PPP2R2A: variants seen among roughly 807,000 people sequenced by gnomAD.
PPP2R2A encodes protein phosphatase 2 regulatory subunit Balpha, also known as serine/threonine-protein phosphatase 2A 55 kDa regulatory subunit B alpha isoform.
A neutral mutation model predicts 53.2 loss-of-function variants in PPP2R2A; 9 were observed. The ratio of observed to expected loss-of-function variants is 0.17; its 90% CI spans 0.10 to 0.30. The LOEUF (loss-of-function observed/expected upper bound fraction) is 0.30. Ranked by LOEUF, PPP2R2A falls within the 10% of genes least tolerant of loss-of-function variation. The pLI, the probability that PPP2R2A is intolerant of heterozygous loss-of-function variation, is 1.00. For missense variants in PPP2R2A, 235 were observed against 534.6 expected (o/e 0.44, Z 5.53); for synonymous variants, 169 against 174.2 (o/e 0.97, Z 0.23).
intron 3 of PPP2R2A, among the ~76,000 whole-genome samples, chr8:26,349,084 C>T (rs969849748): frequency 6.6e-6 from 1 of 152,050 alleles, no homozygotes; most frequent in East Asian, 1.9e-4. Flanking sequence ...TGACAAGGTT[C>T]AATAAACTTG....
intron 2 of PPP2R2A, among the ~76,000 whole-genome samples, chr8:26,296,641 A>G (rs1197860026): frequency 2.0e-5 from 3 of 152,236 alleles, no homozygotes; most frequent in Non-Finnish European, 2.9e-5. Context: ...GGACTGATTT[A>G]TCTTCGTACC....
At chr8:26,325,258 G>A (rs892234775) in intron 2 of PPP2R2A, among the ~76,000 whole-genome samples, 17 of 151,762 alleles carry the variant, frequency 1.1e-4, no homozygotes, top group Non-Finnish European at 2.2e-4. Flanking sequence ...TGAATCATGG[G>A]GGCTGGTCTT....
chr8:26,322,865 G>A (rs1442513799), intron 2 of PPP2R2A, among the ~76,000 whole-genome samples: 1 of 152,222 alleles, frequency 6.6e-6, no homozygotes, highest in South Asian at 2.1e-4. Flanking sequence ...GGAAGCAGCA[G>A]TTTTTAAAGA....
chr8:26,316,371 A>G (rs1802557073), intron 2 of PPP2R2A, among the ~76,000 whole-genome samples: 1 of 152,180 alleles, frequency 6.6e-6, no homozygotes, highest in African/African-American at 2.4e-5. Context: ...TACAAATTAA[A>G]ATAGCTTTTG....
intron 1 of PPP2R2A, 54 bp from the exon 2 acceptor site, chr8:26,293,612 C>T: frequency 1.3e-6 from 2 of 1,532,890 alleles, no homozygotes; most frequent in South Asian, 1.2e-5. Context: ...TTTGTGTTTA[C>T]GAGAGTCAAC....
chr8:26,334,120 C>T (rs575430235), intron 2 of PPP2R2A, among the ~76,000 whole-genome samples: 4 of 152,090 alleles, frequency 2.6e-5, no homozygotes, highest in Non-Finnish European at 5.9e-5. Context: ...CATAGTAGGG[C>T]AGTGGACTAA....
At chr8:26,303,405 G>T (rs565851231) in intron 2 of PPP2R2A, among the ~76,000 whole-genome samples, 1 of 152,242 alleles carries the variant, frequency 6.6e-6, no homozygotes, top group East Asian at 1.9e-4. Context: ...TGCCTGCCTC[G>T]TCATTAGAAG....
chr8:26,308,214 G>T (rs1802112813), intron 2 of PPP2R2A, among the ~76,000 whole-genome samples: 2 of 152,208 alleles, frequency 1.3e-5, no homozygotes, highest in Non-Finnish European at 2.9e-5. Context: ...ATCTTATCTT[G>T]ATGTTGATGG....
At chr8:26,291,925 AGG>A (rs1301546044) in intron 1 of PPP2R2A, 99 bp downstream of exon 1, 5 of 1,145,566 alleles carry the variant, frequency 4.4e-6, no homozygotes, top group Non-Finnish European at 5.9e-6. Context: ...GCAGAGCCAC[AGG>A]GCGCCCCTCG....
At chr8:26,343,992 A>G (rs1804083805) in intron 3 of PPP2R2A, among the ~76,000 whole-genome samples, 1 of 152,160 alleles carries the variant, frequency 6.6e-6, no homozygotes, top group Non-Finnish European at 1.5e-5. Flanking sequence ...CTCAATTTTT[A>G]ACCCCTGGTA....
At chr8:26,349,391 C>T (rs1804381846) in intron 3 of PPP2R2A, among the ~76,000 whole-genome samples, 1 of 152,104 alleles carries the variant, frequency 6.6e-6, no homozygotes, top group Non-Finnish European at 1.5e-5. Context: ...ACTGTTGGAA[C>T]CATTGATTGG....
At chr8:26,341,839 T>C (rs991500246) in intron 3 of PPP2R2A, among the ~76,000 whole-genome samples, 1 of 152,204 alleles carries the variant, frequency 6.6e-6, no homozygotes, top group Non-Finnish European at 1.5e-5. Flanking sequence ...AGAGATCATA[T>C]AACAGCAACA....
chr8:26,331,681 A>G lies in PPP2R2A; in HGVS notation c.83-7209A>G, dbSNP rs559995562. Among the ~76,000 whole-genome samples the G allele has an allele frequency of 3.7e-4, 56 of 152,324 alleles. 1 individual carries two copies. The South Asian group carries it at 0.012, about 32-fold the overall frequency. On this transcript the variant is annotated intron_variant, in intron 2 of 9. Coordinates refer to ENST00000380737, the MANE Select transcript of PPP2R2A (RefSeq NM_002717.4). ...TGAACATTTAATTTCGTATTAGAAT[A>G]CTACATTGGCAGCCCCATTTGTTTG...
At chr8:26,297,144 C>T (rs971666393) in intron 2 of PPP2R2A, among the ~76,000 whole-genome samples, 1 of 152,148 alleles carries the variant, frequency 6.6e-6, no homozygotes, top group Non-Finnish European at 1.5e-5. Flanking sequence ...GACAGAGTCT[C>T]ACTCTGTTAG....
intron 4 of PPP2R2A, among the ~76,000 whole-genome samples, chr8:26,358,722 T>C (rs1371127936): frequency 1.3e-5 from 2 of 152,188 alleles, no homozygotes; most frequent in Non-Finnish European, 2.9e-5. Context: ...ATGTATGCTT[T>C]TCTATAAGAA....
intron 2 of PPP2R2A, among the ~76,000 whole-genome samples, chr8:26,316,075 G>T (rs1390534968): frequency 6.6e-6 from 1 of 152,112 alleles, no homozygotes; most frequent in Non-Finnish European, 1.5e-5. Flanking sequence ...TGCGACCTCG[G>T]CTCACTGCAG....
chr8:26,326,556 T>C (rs374096477), intron 2 of PPP2R2A, among the ~76,000 whole-genome samples: 155 of 152,324 alleles, frequency 1.0e-3, no homozygotes, highest in South Asian at 7.7e-3. Context: ...CTGATTCTTA[T>C]AGCATAGCCA....
At chr8:26,302,224 A>G (rs1801820031) in intron 2 of PPP2R2A, among the ~76,000 whole-genome samples, 2 of 152,230 alleles carry the variant, frequency 1.3e-5, no homozygotes, top group Non-Finnish European at 2.9e-5. Context: ...AGTGAAACTG[A>G]TACTTCAGTG....
At chr8:26,353,750 A>G (rs117993424) in intron 3 of PPP2R2A, among the ~76,000 whole-genome samples, 1 of 152,224 alleles carries the variant, frequency 6.6e-6, no homozygotes, top group Non-Finnish European at 1.5e-5. Flanking sequence ...AAGTGATACT[A>G]AATGAAATTA....
Sources: gnomAD v4.1 joint callset for allele counts (sites outside exome capture counted in the v4.1 genomes callset) on GRCh38, gnomAD v4.1.1 for gene constraint, MANE v1.5 for transcripts, NCBI Gene and HGNC (gene_info 2026-07-23, HGNC 2026-07-21) for gene names.